LDLRAD3: variants seen among roughly 807,000 people sequenced by gnomAD.
LDLRAD3 encodes the protein low-density lipoprotein receptor class A domain-containing protein 3.
In LDLRAD3, 20 loss-of-function variants were observed where a neutral mutation model predicts 29.4. That is an observed-to-expected ratio of 0.68 (90% CI 0.48 to 0.99). The LOEUF is 0.99. Ranked by LOEUF, LDLRAD3 falls within the 50% of genes least tolerant of loss-of-function variation. The probability of loss-of-function intolerance (pLI) is 0.00; values close to 1 mark genes in which losing one functional copy is unlikely to be tolerated. For missense variants in LDLRAD3, 420 were observed against 454.3 expected (o/e 0.92, Z 0.69); for synonymous variants, 157 against 192.7 (o/e 0.81, Z 1.53).
At chr11:36,045,466 G>A (rs1332614603) in intron 2 of LDLRAD3, among the ~76,000 whole-genome samples, 1 of 152,172 alleles carries the variant, frequency 6.6e-6, no homozygotes, top group Non-Finnish European at 1.5e-5. Context: ...CCCGGCCGTG[G>A]TTTCTCTGAA....
In LDLRAD3 at chr11:36,230,227, G is replaced by C. The variant is rs530244964; in HGVS notation, c.*830G>C. On this transcript the variant is annotated 3_prime_UTR_variant, in exon 6 of 6. Transcript: ENST00000315571. ...CAGCCACTTACCTGGTTTCTGGACT[G>C]TCACCCTCCCAGCTGACCTGCCCGT... is the stretch of plus-strand genomic sequence containing the variant. 1 of 152,342 alleles carries C rather than the reference G, an allele frequency of 6.6e-6. No individual in the cohort carries two copies. The allele number at this position is 152,342 out of a possible 1,614,324, so 9.4% of individuals were successfully genotyped here.
chr11:35,986,626 G>GA (rs1248342020), intron 1 of LDLRAD3, among the ~76,000 whole-genome samples: 1 of 152,200 alleles, frequency 6.6e-6, no homozygotes, highest in African/African-American at 2.4e-5. Flanking sequence ...TCTCCTGGCT[G>GA]ATTGAGACTC....
intron 3 of LDLRAD3, among the ~76,000 whole-genome samples, chr11:36,087,199 A>C (rs191156939): frequency 6.6e-6 from 1 of 152,346 alleles, no homozygotes; most frequent in Admixed American, 6.5e-5. Context: ...AAATTAACTA[A>C]ATGTGATGTG....
chr11:36,071,981 A>T (rs531329498), intron 2 of LDLRAD3, among the ~76,000 whole-genome samples: 1 of 152,192 alleles, frequency 6.6e-6, no homozygotes, highest in African/African-American at 2.4e-5. Context: ...TAAATTTTAC[A>T]TCTGTCTTTG....
intron 2 of LDLRAD3, among the ~76,000 whole-genome samples, chr11:36,068,781 G>T (rs1019868665): frequency 6.6e-6 from 1 of 152,210 alleles, no homozygotes; most frequent in Admixed American, 6.5e-5. Context: ...CTCCCCAAGT[G>T]CTGGGATTAC....
At chr11:36,086,613 T>C (rs1853199997) in intron 3 of LDLRAD3, among the ~76,000 whole-genome samples, 1 of 152,216 alleles carries the variant, frequency 6.6e-6, no homozygotes, top group Non-Finnish European at 1.5e-5. Flanking sequence ...TCCTAGGAGT[T>C]TGTAAACAGT....
intron 1 of LDLRAD3, among the ~76,000 whole-genome samples, chr11:35,960,420 G>A (rs1185886315): frequency 2.0e-5 from 3 of 152,282 alleles, no homozygotes; most frequent in East Asian, 1.9e-4. Context: ...GGATTTGCAC[G>A]TTTTCAACCT....
chr11:36,162,365 G>T (rs555642089), intron 4 of LDLRAD3, among the ~76,000 whole-genome samples: 3 of 152,214 alleles, frequency 2.0e-5, no homozygotes, highest in African/African-American at 7.2e-5. Flanking sequence ...TCTAAAGATC[G>T]CATTATTAAG....
chr11:36,081,625 G>A (rs776673172), intron 2 of LDLRAD3, 28 bp from the exon 3 acceptor site: 9 of 1,614,038 alleles, frequency 5.6e-6, no homozygotes, highest in Admixed American at 1.7e-5. Flanking sequence ...ATCTCCTGAT[G>A]TCTTGCTGTT....
At chr11:35,946,984 G>GT (rs1032602325) in intron 1 of LDLRAD3, among the ~76,000 whole-genome samples, 3 of 152,092 alleles carry the variant, frequency 2.0e-5, no homozygotes, top group African/African-American at 4.8e-5. Context: ...GGTGTGAGAT[G>GT]TTTTTTCCTG....
At chr11:35,967,835 C>G (rs1851361419) in intron 1 of LDLRAD3, 1 of 424,932 alleles carries the variant, frequency 2.4e-6, no homozygotes, top group Non-Finnish European at 4.6e-6. Context: ...ATTGCAGTAT[C>G]CATTCTGAAT....
chr11:36,158,503 G>A (rs1328067809), intron 4 of LDLRAD3, among the ~76,000 whole-genome samples: 3 of 119,642 alleles, frequency 2.5e-5, no homozygotes, highest in Admixed American at 8.6e-5. Flanking sequence ...CTCCCTCTTC[G>A]TTCCACTTAC....
intron 3 of LDLRAD3, among the ~76,000 whole-genome samples, chr11:36,094,296 CCA>C (rs1157775328): frequency 6.6e-6 from 1 of 152,184 alleles, no homozygotes; most frequent in African/African-American, 2.4e-5. Flanking sequence ...TTGCCTAGCA[CCA>C]GTTTTTGTAC....
chr11:35,995,556 T>A (rs1851743471), intron 1 of LDLRAD3, among the ~76,000 whole-genome samples: 1 of 152,230 alleles, frequency 6.6e-6, no homozygotes, highest in Non-Finnish European at 1.5e-5. Context: ...CCAGCTGCAT[T>A]AGCTCTTAAC....
At chr11:36,161,575 GGGATGGATGGAT>G (rs145773800) in intron 4 of LDLRAD3, among the ~76,000 whole-genome samples, 44,653 of 151,424 alleles carry the variant, frequency 0.29, 7,371 homozygotes, top group African/African-American at 0.44. Flanking sequence ...GATTCATTTT[GGGATGGATGGAT>G]GGATGGATGG....
At chr11:36,129,731 G>A (rs1853897162) in intron 4 of LDLRAD3, among the ~76,000 whole-genome samples, 1 of 152,042 alleles carries the variant, frequency 6.6e-6, no homozygotes, top group South Asian at 2.1e-4. Flanking sequence ...CTCCTTCTTG[G>A]CCCTAAAACC....
intron 2 of LDLRAD3, among the ~76,000 whole-genome samples, chr11:36,054,711 G>GTGGA (rs71044545): frequency 0.82 from 119,768 of 146,188 alleles, 49,029 homozygotes; most frequent in East Asian, 0.97. Context: ...GGATGGGTGG[G>GTGGA]TGGATGGATG....
At chr11:36,010,358 A>G (rs1851939372) in intron 1 of LDLRAD3, among the ~76,000 whole-genome samples, 1 of 152,238 alleles carries the variant, frequency 6.6e-6, no homozygotes, top group East Asian at 1.9e-4. Flanking sequence ...GCCCTTCATA[A>G]TATTTCTTAT....
At chr11:35,977,538 G>A (rs1335577710) in intron 1 of LDLRAD3, among the ~76,000 whole-genome samples, 1 of 152,152 alleles carries the variant, frequency 6.6e-6, no homozygotes, top group Non-Finnish European at 1.5e-5. Flanking sequence ...CAGAAAATAT[G>A]ATCATTCTCC....
Sources: allele counts gnomAD v4.1 joint callset (sites outside exome capture counted in the v4.1 genomes callset), GRCh38; gene constraint gnomAD v4.1.1; transcripts MANE v1.5; gene names NCBI Gene and HGNC (gene_info 2026-07-23, HGNC 2026-07-21).